Variants in PTPRM observed in about 807,000 individuals in gnomAD.
PTPRM encodes the protein protein tyrosine phosphatase receptor type M.
PTPRM carries 47 observed loss-of-function variants against 186.7 expected under a neutral mutation model. The observed-to-expected ratio is 0.25, with a 90% CI of 0.20 to 0.32. The LOEUF (loss-of-function observed/expected upper bound fraction) is 0.32. Ranked by LOEUF, PTPRM falls within the 10% of genes least tolerant of loss-of-function variation. PTPRM has a pLI of 1.00. For synonymous variants in PTPRM, 668 were observed against 674.9 expected, an observed-to-expected ratio of 0.99 and a Z score of 0.16; for missense variants, 1,494 against 1,865.0, an observed-to-expected ratio of 0.80 and a Z score of 3.66.
rs571028947 is a variant in PTPRM, at chr18:7,632,130, T to C, written c.73+64239T>C. ...CAGTATGGAATCAGCACAAGGGGAG[T>C]TGATCGGATGATGTCAGAGGCCAAT... On this transcript the variant is annotated intron_variant, in intron 1 of 32. Coordinates refer to ENST00000580170, the MANE Select transcript of PTPRM (RefSeq NM_001105244.2). Among the ~76,000 whole-genome samples the C allele has an allele frequency of 2.0e-4, 31 of 152,052 alleles. No individual in the cohort carries two copies. In the South Asian group the frequency reaches 5.8e-3, roughly 29 times the overall value.
At chr18:8,293,412 G>A (rs1309497875) in intron 19 of PTPRM, among the ~76,000 whole-genome samples, 2 of 152,194 alleles carry the variant, frequency 1.3e-5, no homozygotes, top group African/African-American at 4.8e-5. Flanking sequence ...ACCCTCATGT[G>A]GCTCGGGTCC....
At chr18:7,814,498 G>T (rs1381395833) in intron 2 of PTPRM, 1 of 152,198 alleles carries the variant, frequency 6.6e-6, no homozygotes, top group Non-Finnish European at 1.5e-5. Context: ...TTCGGTGTGG[G>T]CACCTGAACG....
intron 15 of PTPRM, among the ~76,000 whole-genome samples, chr18:8,245,374 T>C (rs534391718): frequency 6.6e-6 from 1 of 152,262 alleles, no homozygotes; most frequent in South Asian, 2.1e-4. Context: ...AGGTGCTGCT[T>C]TGGCACCAAT....
chr18:7,852,232 GTT>G (rs1346170603), intron 2 of PTPRM, among the ~76,000 whole-genome samples: 1 of 152,012 alleles, frequency 6.6e-6, no homozygotes, highest in African/African-American at 2.4e-5. Flanking sequence ...GAAAATGTCT[GTT>G]TGCTGCTTGC....
Position 8,253,242 on chromosome 18 carries a change from T to C in PTPRM, c.2582T>C (p.Met861Thr), listed in dbSNP as rs2094545182. The C allele has an allele frequency of 6.6e-7, 1 of 1,518,248 alleles. No individual in the cohort carries two copies. The highest frequency in any genetic ancestry group is 8.9e-7 in the Non-Finnish European group (1 of 1,129,774). 94.0% of individuals were successfully genotyped at this position (1,518,248 alleles called of 1,614,324 possible). ...CTTTTCCTAGATGAAACCCACACAA[T>C]GGCCAGCGATACCAGCAGCCTGGTG... ...LVPINDETHT[M>T]ASDTSSLVQS... The change falls in exon 19 of 33, where the codon ATG becomes ACG. Residue 861 changes from methionine (M) to threonine (T), a missense_variant. Met to Thr is a moderately conservative substitution (Grantham distance 81). Around this residue, in one of 3 missense-constraint regions of PTPRM, gnomAD observed 1,107 missense variants for 1,350.2 expected, o/e 0.82. Transcript: ENST00000580170.
At chr18:7,980,060 T>G (rs1029566618) in intron 7 of PTPRM, among the ~76,000 whole-genome samples, 1 of 152,102 alleles carries the variant, frequency 6.6e-6, no homozygotes, top group Non-Finnish European at 1.5e-5. Context: ...CCTGAGCGTC[T>G]TACTCCTCCC....
intron 22 of PTPRM, among the ~76,000 whole-genome samples, chr18:8,339,956 TG>T (rs1001042427): frequency 6.6e-5 from 10 of 151,966 alleles, no homozygotes; most frequent in Non-Finnish European, 1.0e-4. Flanking sequence ...AAACCTTATT[TG>T]GGCACCTTCC....
At chr18:8,184,720 G>A (rs1368473846) in intron 14 of PTPRM, among the ~76,000 whole-genome samples, 1 of 152,152 alleles carries the variant, frequency 6.6e-6, no homozygotes, top group African/African-American at 2.4e-5. Flanking sequence ...AGTTATATGA[G>A]GATTTGCCCT....
chr18:7,759,663 T>A (rs1311780576), intron 1 of PTPRM, among the ~76,000 whole-genome samples: 1 of 152,224 alleles, frequency 6.6e-6, no homozygotes, highest in Non-Finnish European at 1.5e-5. Flanking sequence ...TTATCCTTAC[T>A]TGTGGATTGT....
chr18:8,133,276 T>A (rs1015743907), intron 13 of PTPRM, among the ~76,000 whole-genome samples: 2 of 152,200 alleles, frequency 1.3e-5, no homozygotes, highest in African/African-American at 4.8e-5. Flanking sequence ...GACTCTCATC[T>A]GTCATCACCA....
At chr18:7,839,520 C>G (rs924440560) in intron 2 of PTPRM, among the ~76,000 whole-genome samples, 75 of 152,326 alleles carry the variant, frequency 4.9e-4, no homozygotes, top group African/African-American at 1.7e-3. Flanking sequence ...CCTCATGATT[C>G]TGAGCATTGC....
intron 1 of PTPRM, among the ~76,000 whole-genome samples, chr18:7,591,956 C>T (rs1242372895): frequency 5.9e-5 from 9 of 152,068 alleles, no homozygotes; most frequent in African/African-American, 1.7e-4. Context: ...CTATGTGTCC[C>T]GTTGCTTATT....
chr18:8,009,408 G>A lies in PTPRM; in HGVS notation c.1132+53994G>A, dbSNP rs535273406. Among the ~76,000 whole-genome samples the A allele has an allele frequency of 7.2e-4, 109 of 151,640 alleles. 1 individual carries two copies. Among genetic ancestry groups the A allele is most frequent in the African/African-American group, 2.5e-3 (105 of 41,312 alleles). On this transcript the variant is annotated intron_variant, in intron 7 of 32. Transcript: ENST00000580170. ...CCTGATTTTTCCAGCAACTAGCTAA[G>A]AAACTAAATGAATCACTTTGGCCGA...
chr18:8,376,168 G>T lies in PTPRM; in HGVS notation c.3294G>T (p.Pro1098=). The T allele has an allele frequency of 1.2e-6, 2 of 1,613,328 alleles. No homozygotes were observed. The highest frequency in any genetic ancestry group is 4.5e-5 in the East Asian group (2 of 44,862). The change falls in exon 25 of 33, where the codon CCG becomes CCT. Residue 1098 remains proline, a synonymous_variant. Coordinates refer to ENST00000580170, the MANE Select transcript of PTPRM (RefSeq NM_001105244.2). The part of the protein sequence containing the change: ...GFVRQVKSKS[P]PSAGPLVVHC... Reference sequence around the variant, plus strand: ...TGCGGCAAGTCAAGTCCAAGAGCCCGCCCAGTGCAGGCCCACTGGTGGTGC... The same window carrying T: ...TGCGGCAAGTCAAGTCCAAGAGCCCTCCCAGTGCAGGCCCACTGGTGGTGC...
rs1197763228 is a variant in PTPRM at position 7,655,196 on chromosome 18, GTTTC to G, written c.73+87317_73+87320del. On this transcript the variant is annotated intron_variant, in intron 1 of 32. Coordinates refer to ENST00000580170, the MANE Select transcript of PTPRM (RefSeq NM_001105244.2). ...TGTTAGCTGTATTCCTAGTTTTTTT[GTTTC>G]TTTCTTTCTTTTTTCACACCGGCTA... Among the ~76,000 whole-genome samples the G allele has an allele frequency of 2.6e-5, 4 of 151,768 alleles. No individual in the cohort carries two copies. The East Asian group carries it at 5.8e-4, about 22-fold the overall frequency.
intron 21 of PTPRM, 134 bp from the exon 22 acceptor site, chr18:8,319,044 G>A: frequency 1.5e-6 from 1 of 646,202 alleles, no homozygotes; most frequent in South Asian, 1.7e-5. Flanking sequence ...GTGGTGCTGG[G>A]TTGGCCATTT....
At chr18:8,000,627 A>G (rs927818740) in intron 7 of PTPRM, among the ~76,000 whole-genome samples, 4 of 152,194 alleles carry the variant, frequency 2.6e-5, no homozygotes, top group African/African-American at 9.7e-5. Context: ...AGGAATAAAT[A>G]TTTATGTTCA....
chr18:7,850,415 G>A (rs962496164), intron 2 of PTPRM, among the ~76,000 whole-genome samples: 1 of 152,184 alleles, frequency 6.6e-6, no homozygotes, highest in Non-Finnish European at 1.5e-5. Context: ...GCAAGAATTT[G>A]TGGGGCCAAT....
intron 19 of PTPRM, among the ~76,000 whole-genome samples, chr18:8,256,325 C>T (rs867995239): frequency 6.6e-5 from 10 of 152,252 alleles, no homozygotes; most frequent in Admixed American, 2.6e-4. Flanking sequence ...GTGTGACCTT[C>T]GGCAAGTTAT....
Sources: gnomAD v4.1 joint callset for allele counts (sites outside exome capture counted in the v4.1 genomes callset) on GRCh38, gnomAD v4.1.1 for gene constraint, gnomAD v4.1.1 regional missense constraint, MANE v1.5 for transcripts, NCBI Gene and HGNC (gene_info 2026-07-23, HGNC 2026-07-21) for gene names.